CHCHD5: variants seen among roughly 807,000 people sequenced by gnomAD.
CHCHD5 encodes coiled-coil-helix-coiled-coil-helix domain containing 5.
A neutral mutation model predicts 16.0 loss-of-function variants in CHCHD5; 10 were observed. The ratio of observed to expected loss-of-function variants is 0.63; its 90% CI spans 0.39 to 1.06. CHCHD5 has a LOEUF of 1.06. Ranked by LOEUF, CHCHD5 falls within the 50% of genes least tolerant of loss-of-function variation. CHCHD5 has a pLI of 0.01. For missense variants in CHCHD5, 163 were observed against 153.4 expected (o/e 1.06, Z -0.33); for synonymous variants, 55 against 56.3 (o/e 0.98, Z 0.10).
intron 1 of CHCHD5, among the ~76,000 whole-genome samples, chr2:112,585,725 C>A (rs965383903): frequency 1.3e-5 from 2 of 152,102 alleles, no homozygotes; most frequent in African/African-American, 4.8e-5. Flanking sequence ...ATAGCAAGAC[C>A]CTGTCTCTAC....
intron 3 of CHCHD5, chr2:112,586,643 G>C: frequency 6.9e-7 from 1 of 1,450,402 alleles, no homozygotes; most frequent in Non-Finnish European, 9.1e-7. Flanking sequence ...AAAGCGGCCT[G>C]GGTGAGCATG....
Position 112,586,342 on chromosome 2 carries a change from C to G in CHCHD5, c.286C>G (p.Pro96Ala). The change falls in exon 3 of 4, where the codon CCA (proline) becomes GCA (alanine). Residue 96 changes from proline (P) to alanine (A), a missense_variant. Physicochemically the swap from Pro to Ala is conservative, Grantham distance 27. Coordinates refer to ENST00000324913, the MANE Select transcript of CHCHD5 (RefSeq NM_032309.4). Reference protein sequence around the residue: ...FLQCAEQVQPPRSPATVEAQP... With the variant: ...FLQCAEQVQPARSPATVEAQP... Reference sequence around the variant, plus strand: ...GCAGTGCGCTGAGCAGGTGCAGCCGCCACGCTCACCTGCAACTGTGGAGGT... The same window carrying G: ...GCAGTGCGCTGAGCAGGTGCAGCCGGCACGCTCACCTGCAACTGTGGAGGT... 6.2e-7 allele frequency: 1 copy of G among 1,614,224 alleles called. No homozygotes were observed. Among genetic ancestry groups the G allele is most frequent in the South Asian group, 1.1e-5 (1 of 91,092 alleles).
intron 1 of CHCHD5, 196 bp downstream of exon 1, chr2:112,584,845 C>T (rs910978691): frequency 4.8e-6 from 3 of 628,882 alleles, no homozygotes; most frequent in Non-Finnish European, 8.4e-6. Context: ...AGCGTTTAGG[C>T]CTCGCCCCCT....
rs146873532 is a variant in CHCHD5 at position 112,586,043 on chromosome 2, G to A, written c.72G>A (p.Ala24=). ...RELEQYGQCV[A]AKPESWQRDC... is the part of the protein sequence containing the mutation. ...TGGAGCAGTATGGCCAGTGTGTGGC[G>A]GCCAAGCCGGAATCCTGGCAGCGGG... Residue 24 remains alanine (A), a synonymous_variant, in exon 2 of 4, where the codon GCG becomes GCA. Transcript: ENST00000324913. 73 of 1,614,110 alleles carry A rather than the reference G, an allele frequency of 4.5e-5. No individual in the cohort carries two copies. Among genetic ancestry groups the A allele is most frequent in the Non-Finnish European group, 6.0e-5 (71 of 1,180,050 alleles).
chr2:112,588,559 T>G (rs774191334), intron 3 of CHCHD5: 20 of 405,384 alleles, frequency 4.9e-5, no homozygotes, highest in Non-Finnish European at 9.0e-5. Flanking sequence ...TGATTAAATT[T>G]TCTTCATCGA....
rs777080847 is a variant in CHCHD5 at position 112,586,204 on chromosome 2, A to T, written c.148A>T (p.Ile50Phe). 1 of 1,609,608 alleles carries T rather than the reference A, an allele frequency of 6.2e-7. No individual in the cohort carries two copies. The highest frequency in any genetic ancestry group is 2.2e-5 in the East Asian group (1 of 44,732). The change falls in exon 3 of 4, where the codon ATC becomes TTC. Residue 50 changes from isoleucine (I) to phenylalanine (F), a missense_variant. By Grantham distance (21) the Ile-to-Phe change is conservative (BLOSUM62 0). Transcript: ENST00000324913. Reference sequence around the variant, plus strand: ...TGAACTGCCCTACCCCCACAGCCCAATCATCCGCCAGATCCGCCAGGCCTG... The same window carrying T: ...TGAACTGCCCTACCCCCACAGCCCATTCATCCGCCAGATCCGCCAGGCCTG... The part of the protein sequence containing the change: ...SIAQCTSSHP[I>F]IRQIRQACAQ...
chr2:112,585,002 G>A, intron 1 of CHCHD5: 4 of 330,860 alleles, frequency 1.2e-5, no homozygotes, highest in Non-Finnish European at 2.3e-5. Context: ...AGAGCTCCAG[G>A]TTCCTCCCCC....
intron 1 of CHCHD5, 82 bp downstream of exon 1, chr2:112,584,731 G>A: frequency 2.0e-6 from 3 of 1,534,718 alleles, no homozygotes; most frequent in East Asian, 2.3e-5. Context: ...CTAGGACCTC[G>A]GGAACTAGGA....
chr2:112,586,160 G>A (rs760701851), intron 2 of CHCHD5, 40 bp from the exon 3 acceptor site: 2 of 1,609,076 alleles, frequency 1.2e-6, no homozygotes, highest in Admixed American at 1.7e-5. Flanking sequence ...GGGCAGTGGG[G>A]TGGGAATCTC....
chr2:112,585,902 A>G, intron 1 of CHCHD5, 72 bp from the exon 2 acceptor site: 1 of 1,529,372 alleles, frequency 6.5e-7, no homozygotes, highest in Non-Finnish European at 8.8e-7. Context: ...TCTCTAAAAA[A>G]TAAAAAAAAA....
chr2:112,584,689 C>T (rs749682761), intron 1 of CHCHD5, 40 bp downstream of exon 1: 6 of 1,613,000 alleles, frequency 3.7e-6, no homozygotes, highest in South Asian at 2.2e-5. Flanking sequence ...TGCTGCCGCT[C>T]CCCTTCTTTT....
chr2:112,588,827 G>A, intron 3 of CHCHD5, 39 bp from the exon 4 acceptor site: 1 of 1,576,658 alleles, frequency 6.3e-7, no homozygotes, highest in Non-Finnish European at 8.7e-7. Context: ...GCTGGGCACA[G>A]AGGAGGTGCT....
At position 112,584,927 on chromosome 2, in the gene CHCHD5, T is replaced by C. The variant is rs181158823; in HGVS notation, c.2+278T>C. The C allele has an allele frequency of 9.7e-5, 53 of 548,292 alleles. No individual in the cohort carries two copies. The Admixed American group carries it at 1.5e-3, about 16-fold the overall frequency. The allele number at this position is 548,292 out of a possible 1,614,324, so 34.0% of individuals were successfully genotyped here. ...TGCCCCCAGTACCCCAGGTCCGGCC[T>C]TCACACTGAAATCCTAAGACTACAG... On this transcript the variant is annotated intron_variant, in intron 1 of 3. Coordinates refer to ENST00000324913, the MANE Select transcript of CHCHD5 (RefSeq NM_032309.4).
intron 3 of CHCHD5, 164 bp from the exon 4 acceptor site, chr2:112,588,702 C>T (rs1227339691): frequency 3.4e-6 from 2 of 594,372 alleles, no homozygotes; most frequent in African/African-American, 3.7e-5. Context: ...TGACACTTCA[C>T]CACAGCTGAC....
rs750498889 is a variant in CHCHD5, at chr2:112,588,884, T to A, written c.328T>A (p.Ser110Thr). The change falls in exon 4 of 4, where the codon TCC (serine) becomes ACC (threonine). Residue 110 changes from serine to threonine, a missense_variant. Ser to Thr is a moderately conservative substitution (Grantham distance 58). Coordinates refer to ENST00000324913, the MANE Select transcript of CHCHD5 (RefSeq NM_032309.4). The stretch of plus-strand genomic sequence containing the variant: ...TCCACAGGCACAGCCACTTCCTGCC[T>A]CCTGAGGACTCCTCTGACGGCAGGA... Reference protein sequence around the residue: ...ATVEAQPLPAS With the variant: ...ATVEAQPLPAT The A allele has an allele frequency of 1.9e-6, 3 of 1,610,924 alleles. No individual in the cohort carries two copies. The East Asian group carries it at 6.7e-5, about 36-fold the overall frequency.
At chr2:112,587,790 A>G (rs1480566036) in intron 3 of CHCHD5, 5 of 152,282 alleles carry the variant, frequency 3.3e-5, no homozygotes, top group Non-Finnish European at 5.9e-5. Context: ...TTACCTAACG[A>G]TCACATACTG....
chr2:112,585,981 G>A lies in CHCHD5; in HGVS notation c.10G>A (p.Ala4Thr), dbSNP rs2104602393. MQA[A>T]LEVTARYCGR... The stretch of plus-strand genomic sequence containing the variant: ...GCCCATCCTGTCCCACAGGCAGGCG[G>A]CCCTAGAGGTCACCGCTCGCTACTG... Residue 4 changes from alanine to threonine, a missense_variant, in exon 2 of 4, where the codon GCC becomes ACC. Physicochemically the swap from Ala to Thr is moderately conservative, Grantham distance 58. Transcript: ENST00000324913. 3 of 1,613,960 alleles carry A rather than the reference G, an allele frequency of 1.9e-6. No homozygotes were observed. The East Asian group carries it at 6.7e-5, about 36-fold the overall frequency.
Position 112,585,977 on chromosome 2 carries a change from G to C in CHCHD5, c.6G>C (p.Gln2His). M[Q>H]AALEVTARYC... ...CTCAGCCCATCCTGTCCCACAGGCA[G>C]GCGGCCCTAGAGGTCACCGCTCGCT... is the stretch of plus-strand genomic sequence containing the variant. The change falls in exon 2 of 4, where the codon CAG (glutamine) becomes CAC (histidine). Residue 2 changes from glutamine to histidine, a missense_variant. Gln to His is a conservative substitution (Grantham distance 24, BLOSUM62 0). Transcript: ENST00000324913. 1 of 1,613,322 alleles carries C rather than the reference G, an allele frequency of 6.2e-7. No homozygotes were observed. Among genetic ancestry groups the C allele is most frequent in the Non-Finnish European group, 8.5e-7 (1 of 1,179,332 alleles).
upstream of CHCHD5, chr2:112,584,464 G>A (rs1685136979): frequency 1.0e-5 from 7 of 688,054 alleles, no homozygotes; most frequent in Non-Finnish European, 1.5e-5. Context: ...GCGCCGCCAT[G>A]ACGAGCCGGG....
Sources: allele counts gnomAD v4.1 joint callset (sites outside exome capture counted in the v4.1 genomes callset), GRCh38; gene constraint gnomAD v4.1.1; transcripts MANE v1.5; gene names NCBI Gene and HGNC (gene_info 2026-07-23, HGNC 2026-07-21).